The following CACNA2D3 variants were observed in gnomAD, a reference collection of about 807,000 sequenced individuals.
The protein encoded by CACNA2D3 is voltage-dependent calcium channel subunit alpha-2/delta-3.
A neutral mutation model predicts 160.6 loss-of-function variants in CACNA2D3; 60 were observed. That is an observed-to-expected ratio of 0.37 (90% CI 0.30 to 0.46). The LOEUF is 0.46. CACNA2D3 is among the 20% of genes least tolerant of loss of function. The pLI, the probability that CACNA2D3 is intolerant of heterozygous loss-of-function variation, is 1.00. For synonymous variants in CACNA2D3, 558 were observed against 492.9 expected (o/e 1.13, Z -1.75); for missense variants, 1,205 against 1,365.0 (o/e 0.88, Z 1.85).
intron 2 of CACNA2D3, among the ~76,000 whole-genome samples, chr3:54,234,119 A>G (rs550691368): frequency 6.6e-6 from 1 of 152,328 alleles, no homozygotes; most frequent in Non-Finnish European, 1.5e-5. Context: ...TGCATCTGAC[A>G]AAAGTCTAAT....
At chr3:54,633,822 AC>A (rs1699299123) in intron 10 of CACNA2D3, 1 of 152,202 alleles carries the variant, frequency 6.6e-6, no homozygotes, top group Admixed American at 6.5e-5. Flanking sequence ...TGGTGTACCA[AC>A]CACTTAAGGA....
At chr3:54,718,777 A>G (rs1701112082) in intron 11 of CACNA2D3, among the ~76,000 whole-genome samples, 1 of 152,120 alleles carries the variant, frequency 6.6e-6, no homozygotes, top group African/African-American at 2.4e-5. Context: ...GGATTGACGT[A>G]TCTTTATAAG....
At chr3:54,752,390 C>T (rs2107068406) in intron 11 of CACNA2D3, among the ~76,000 whole-genome samples, 1 of 152,276 alleles carries the variant, frequency 6.6e-6, no homozygotes, top group South Asian at 2.1e-4. Context: ...AAACAACCAC[C>T]ACCAGTGCCA....
At chr3:54,200,964 C>A (rs1701166231) in intron 2 of CACNA2D3, among the ~76,000 whole-genome samples, 1 of 152,122 alleles carries the variant, frequency 6.6e-6, no homozygotes, top group Non-Finnish European at 1.5e-5. Flanking sequence ...CTGAAATGAT[C>A]CTGTGGTTTA....
At chr3:54,402,350 TA>T (rs1383056164) in intron 4 of CACNA2D3, among the ~76,000 whole-genome samples, 1 of 151,874 alleles carries the variant, frequency 6.6e-6, no homozygotes, top group Non-Finnish European at 1.5e-5. Flanking sequence ...CTAAATTGAT[TA>T]AAAAAACAAG....
In CACNA2D3 at chr3:54,941,011, C is replaced by T. The variant is rs1038020778; in HGVS notation, c.2450-27439C>T. On this transcript the variant is annotated intron_variant, in intron 27 of 37. Coordinates refer to ENST00000474759, the MANE Select transcript of CACNA2D3 (RefSeq NM_018398.3). ...TTAAAACCAGTTAACACATTTAAAACTTGATAAGGCAATCCTGGTATGTTT... is the reference window on the plus strand; with the variant it reads ...TTAAAACCAGTTAACACATTTAAAATTTGATAAGGCAATCCTGGTATGTTT... Among the ~76,000 whole-genome samples, 4 of 151,556 alleles carry T rather than the reference C, an allele frequency of 2.6e-5. No individual in the cohort carries two copies. The East Asian group carries it at 7.7e-4, about 29-fold the overall frequency.
chr3:54,567,790 A>G (rs1454804908), intron 6 of CACNA2D3, among the ~76,000 whole-genome samples: 1 of 152,186 alleles, frequency 6.6e-6, no homozygotes, highest in Non-Finnish European at 1.5e-5. Context: ...TTGGCCTCCC[A>G]AAGTGTTGGG....
chr3:54,936,834 A>G (rs1312663081), intron 27 of CACNA2D3, among the ~76,000 whole-genome samples: 1 of 152,172 alleles, frequency 6.6e-6, no homozygotes. Context: ...CATTGTGTTC[A>G]ACAAGCAAGC....
chr3:54,895,432 G>A lies in CACNA2D3; in HGVS notation c.2247-1317G>A, dbSNP rs115278848. Reference sequence around the variant, plus strand: ...ATCTAAGAACCTGGAGGGTGTCCTCGAAGGGCATGGGCCTCCTCTCCAAAA... The same window carrying A: ...ATCTAAGAACCTGGAGGGTGTCCTCAAAGGGCATGGGCCTCCTCTCCAAAA... On this transcript the variant is annotated intron_variant, in intron 25 of 37. Transcript: ENST00000474759. Among the ~76,000 whole-genome samples, 419 of 152,264 alleles carry A rather than the reference G, an allele frequency of 2.8e-3. 2 individuals are homozygous for A. Among genetic ancestry groups the A allele is most frequent in the African/African-American group, 9.1e-3 (379 of 41,566 alleles).
At chr3:54,917,983 A>G (rs1450125972) in intron 27 of CACNA2D3, among the ~76,000 whole-genome samples, 1 of 152,212 alleles carries the variant, frequency 6.6e-6, no homozygotes, top group African/African-American at 2.4e-5. Flanking sequence ...TCTAGCATGA[A>G]CTCGAATTAT....
chr3:54,890,595 TCTC>T (rs945962537), intron 24 of CACNA2D3, among the ~76,000 whole-genome samples: 14 of 151,484 alleles, frequency 9.2e-5, no homozygotes, highest in Middle Eastern at 6.8e-3. Context: ...ACCTTGCAAA[TCTC>T]CTAAAGAACA....
chr3:54,267,885 T>C (rs530268982), intron 2 of CACNA2D3, among the ~76,000 whole-genome samples: 18 of 152,356 alleles, frequency 1.2e-4, no homozygotes, highest in African/African-American at 4.1e-4. Flanking sequence ...ATAATGATTT[T>C]GGGGCTTAAG....
At chr3:54,834,219 C>T (rs540475124) in intron 14 of CACNA2D3, among the ~76,000 whole-genome samples, 6 of 152,310 alleles carry the variant, frequency 3.9e-5, no homozygotes, top group African/African-American at 1.2e-4. Context: ...GGCTTCATTT[C>T]TCATTATTGT....
At chr3:54,618,648 A>G (rs1343027290) in intron 9 of CACNA2D3, among the ~76,000 whole-genome samples, 1 of 152,088 alleles carries the variant, frequency 6.6e-6, no homozygotes, top group Non-Finnish European at 1.5e-5. Context: ...TTTCCCAGAA[A>G]TGAATGTAGC....
chr3:54,401,130 C>G (rs770153902), intron 4 of CACNA2D3, among the ~76,000 whole-genome samples: 10 of 151,726 alleles, frequency 6.6e-5, no homozygotes, highest in Admixed American at 2.6e-4. Flanking sequence ...CAACATCAGA[C>G]TAGATCAAGC....
At chr3:54,428,384 A>G (rs1204923279) in intron 4 of CACNA2D3, among the ~76,000 whole-genome samples, 1 of 152,198 alleles carries the variant, frequency 6.6e-6, no homozygotes. Flanking sequence ...CAAACAATAA[A>G]TGTTAAGATA....
chr3:54,290,754 T>A (rs527732482), intron 2 of CACNA2D3, among the ~76,000 whole-genome samples: 68 of 152,100 alleles, frequency 4.5e-4, no homozygotes, highest in Middle Eastern at 6.8e-3. Flanking sequence ...TTCATGTCCT[T>A]TGTAGGGACA....
intron 2 of CACNA2D3, among the ~76,000 whole-genome samples, chr3:54,171,709 A>G (rs1038494492): frequency 1.3e-5 from 2 of 152,118 alleles, no homozygotes; most frequent in Non-Finnish European, 1.5e-5. Context: ...TGCTAGCCCA[A>G]GGTCTGCTTC....
chr3:54,725,027 A>T (rs1412635763), intron 11 of CACNA2D3, among the ~76,000 whole-genome samples: 1 of 152,190 alleles, frequency 6.6e-6, no homozygotes, highest in Non-Finnish European at 1.5e-5. Context: ...TAGCCAGACT[A>T]ATAAGAAAAG....
Sources: allele counts gnomAD v4.1 joint callset (sites outside exome capture counted in the v4.1 genomes callset), GRCh38; gene constraint gnomAD v4.1.1; transcripts MANE v1.5; gene names NCBI Gene and HGNC (gene_info 2026-07-23, HGNC 2026-07-21).